CCDC3: variants seen among roughly 807,000 people sequenced by gnomAD.
CCDC3 encodes the protein coiled-coil domain containing 3.
In CCDC3, 24 loss-of-function variants were observed where a neutral mutation model predicts 21.4. The ratio of observed to expected loss-of-function variants is 1.12; its 90% CI spans 0.81 to 1.58. The LOEUF (loss-of-function observed/expected upper bound fraction) is 1.58, where lower values mean the gene tolerates loss of function less well. Among genes scored for constraint, CCDC3 ranks in the 40% most tolerant of loss-of-function variants. The pLI is 0.00. For missense variants in CCDC3, 425 were observed against 360.9 expected (o/e 1.18, Z -1.44); for synonymous variants, 186 against 166.0 (o/e 1.12, Z -0.93).
chr10:13,063,088 C>T (rs200316943), intron 4 of CCDC3, among the ~76,000 whole-genome samples: 2 of 22,758 alleles, frequency 8.8e-5, no homozygotes, highest in Non-Finnish European at 1.7e-4. Context: ...GCACTCCTGG[C>T]TCACTGGCTT....
intron 2 of CCDC3, among the ~76,000 whole-genome samples, chr10:12,991,471 C>T (rs758681442): frequency 1.4e-4 from 21 of 152,230 alleles, no homozygotes; most frequent in Non-Finnish European, 2.4e-4. Flanking sequence ...CAAGCATGTG[C>T]CACCATGCCT....
chr10:13,095,667 C>T (rs528748857), intron 3 of CCDC3, among the ~76,000 whole-genome samples: 20 of 152,200 alleles, frequency 1.3e-4, no homozygotes, highest in Non-Finnish European at 2.5e-4. Context: ...AGGCCACAGG[C>T]CAGTACTGGT....
At chr10:13,063,795 G>A (rs1836790837) in intron 4 of CCDC3, among the ~76,000 whole-genome samples, 1 of 152,180 alleles carries the variant, frequency 6.6e-6, no homozygotes, top group African/African-American at 2.4e-5. Flanking sequence ...TATCTTGCAA[G>A]TTCTGGGATG....
At chr10:13,020,422 C>G (rs573715652) in intron 5 of CCDC3, among the ~76,000 whole-genome samples, 1 of 152,180 alleles carries the variant, frequency 6.6e-6, no homozygotes, top group African/African-American at 2.4e-5. Context: ...TTATTCTCAG[C>G]AAACAAAGGA....
rs143281939 is a variant in CCDC3 at position 12,947,030 on chromosome 10, C to G, written c.550-48351G>C. On this transcript the variant is annotated intron_variant, in intron 2 of 2. Transcript: ENST00000378825. ...TTTTCCTTTTTTGTTTCTATCTCCA[C>G]AGTTTATTTTCGGTCAAAAATTCTG... is the stretch of plus-strand genomic sequence containing the variant. Among the ~76,000 whole-genome samples the G allele has an allele frequency of 8.5e-3, 1,293 of 152,300 alleles. 8 individuals are homozygous for G. Among genetic ancestry groups the G allele is most frequent in the Admixed American group, 0.017 (254 of 15,284 alleles).
intron 2 of CCDC3, among the ~76,000 whole-genome samples, chr10:12,995,114 G>A (rs1835741386): frequency 2.0e-5 from 3 of 151,096 alleles, no homozygotes; most frequent in Non-Finnish European, 2.9e-5. Context: ...GCAAGTAGTA[G>A]TCAATAATTC....
At chr10:12,919,160 A>G (rs542625521) in intron 2 of CCDC3, among the ~76,000 whole-genome samples, 1 of 152,348 alleles carries the variant, frequency 6.6e-6, no homozygotes, top group East Asian at 1.9e-4. Flanking sequence ...TTAAGGGTCT[A>G]TGTATTATGT....
At chr10:12,932,902 C>T (rs1283411724) in intron 2 of CCDC3, among the ~76,000 whole-genome samples, 1 of 152,128 alleles carries the variant, frequency 6.6e-6, no homozygotes, top group Admixed American at 6.5e-5. Flanking sequence ...TGCTTTTTCT[C>T]CATCTATTGA....
At chr10:13,017,291 C>T (rs763852046) in intron 5 of CCDC3, among the ~76,000 whole-genome samples, 4 of 151,642 alleles carry the variant, frequency 2.6e-5, no homozygotes, top group Admixed American at 2.0e-4. Flanking sequence ...CCGAGGTGGG[C>T]GGATCACCTG....
intron 3 of CCDC3, among the ~76,000 whole-genome samples, chr10:13,077,240 G>A (rs1171622141): frequency 6.6e-6 from 1 of 152,104 alleles, no homozygotes; most frequent in East Asian, 1.9e-4. Context: ...GCCAAATCAT[G>A]AGTCAACTCC....
intron 2 of CCDC3, among the ~76,000 whole-genome samples, chr10:12,979,124 T>C (rs1589028760): frequency 6.6e-6 from 1 of 152,124 alleles, no homozygotes; most frequent in Non-Finnish European, 1.5e-5. Context: ...TCAGGATACA[T>C]ATCCCTCTCT....
At chr10:12,921,700 G>A (rs1357976406) in intron 2 of CCDC3, among the ~76,000 whole-genome samples, 3 of 152,098 alleles carry the variant, frequency 2.0e-5, no homozygotes, top group Non-Finnish European at 4.4e-5. Flanking sequence ...TTGCATTGTA[G>A]TTAACTGCAT....
chr10:13,035,399 T>C (rs994003901), intron 5 of CCDC3, among the ~76,000 whole-genome samples: 4 of 152,262 alleles, frequency 2.6e-5, no homozygotes, highest in East Asian at 3.9e-4. Context: ...AAAAAATAAA[T>C]GCTAGCTGGT....
chr10:12,912,323 G>A lies in CCDC3; in HGVS notation c.550-13644C>T, dbSNP rs116750086. 4.9e-3 allele frequency among the ~76,000 whole-genome samples: 746 copies of A among 152,278 alleles called. 4 individuals carry two copies. The highest frequency in any genetic ancestry group is 0.017 in the African/African-American group (718 of 41,556). ...TCTTTTTGGTAATAGCCCTTCTAAC[G>A]GGTGTGAGATGATATCTCATATTCA... is the stretch of plus-strand genomic sequence containing the variant. On this transcript the variant is annotated intron_variant, in intron 2 of 2. Coordinates refer to ENST00000378825, the MANE Select transcript of CCDC3 (RefSeq NM_031455.4).
intron 3 of CCDC3, among the ~76,000 whole-genome samples, chr10:13,096,589 C>T (rs895621910): frequency 2.0e-5 from 3 of 152,172 alleles, no homozygotes; most frequent in Admixed American, 6.5e-5. Flanking sequence ...TCCAGGAGGG[C>T]TTTTGGTACC....
intron 2 of CCDC3, among the ~76,000 whole-genome samples, chr10:12,958,911 G>A (rs71492274): frequency 0.072 from 11,021 of 152,220 alleles, 475 homozygotes; most frequent in African/African-American, 0.12. Flanking sequence ...CATGGCCAGG[G>A]GAGAGACGCA....
intron 5 of CCDC3, among the ~76,000 whole-genome samples, chr10:13,020,507 A>T (rs2131404718): frequency 6.6e-6 from 1 of 152,354 alleles, no homozygotes; most frequent in African/African-American, 2.4e-5. Flanking sequence ...GCTCTAATGA[A>T]ATTATCAGCC....
intron 2 of CCDC3, among the ~76,000 whole-genome samples, chr10:12,979,051 A>C (rs955373295): frequency 6.6e-6 from 1 of 152,116 alleles, no homozygotes; most frequent in African/African-American, 2.4e-5. Flanking sequence ...AGAAGATCAC[A>C]TATCTCCCCA....
At chr10:12,940,066 G>A (rs915998304) in intron 2 of CCDC3, among the ~76,000 whole-genome samples, 5 of 152,066 alleles carry the variant, frequency 3.3e-5, no homozygotes, top group African/African-American at 1.2e-4. Context: ...TGACCTAAAT[G>A]TCTAAAAACA....
Sources: allele counts gnomAD v4.1 joint callset (sites outside exome capture counted in the v4.1 genomes callset), GRCh38; gene constraint gnomAD v4.1.1; transcripts MANE v1.5; gene names NCBI Gene and HGNC (gene_info 2026-07-23, HGNC 2026-07-21).